Variants in MATCAP2 observed in about 807,000 individuals in gnomAD.
MATCAP2 encodes microtubule associated tyrosine carboxypeptidase 2.
the MATCAP2 span, among the ~76,000 whole-genome samples, chr7:36,360,295 C>T: frequency 1.3e-5 from 2 of 152,068 alleles, no homozygotes; most frequent in Non-Finnish European, 2.9e-5. Flanking sequence ...ACAGCCTACA[C>T]ATTTCCAGAT....
chr7:36,338,142 T>A, the MATCAP2 span, among the ~76,000 whole-genome samples: 4 of 152,206 alleles, frequency 2.6e-5, no homozygotes, highest in Admixed American at 1.3e-4. Flanking sequence ...AAAATATGTT[T>A]CTTTGCCATA....
the MATCAP2 span, among the ~76,000 whole-genome samples, chr7:36,364,448 C>A: frequency 6.6e-6 from 1 of 152,040 alleles, no homozygotes; most frequent in Non-Finnish European, 1.5e-5. Flanking sequence ...TGATTTGATT[C>A]CATTTTTAAA....
the MATCAP2 span, among the ~76,000 whole-genome samples, chr7:36,341,169 C>A: frequency 6.6e-6 from 1 of 152,290 alleles, no homozygotes; most frequent in Non-Finnish European, 1.5e-5. Flanking sequence ...AATGTTTACA[C>A]CACTTGAAGA....
chr7:36,354,954 A>T, the MATCAP2 span, among the ~76,000 whole-genome samples: 2 of 152,182 alleles, frequency 1.3e-5, no homozygotes, highest in African/African-American at 4.8e-5. Flanking sequence ...GAAATCAAAG[A>T]GCATTCTTTT....
chr7:36,353,599 GC>G, the MATCAP2 span, among the ~76,000 whole-genome samples: 6 of 150,270 alleles, frequency 4.0e-5, no homozygotes, highest in African/African-American at 9.8e-5. Context: ...TCCTGCCTTA[GC>G]CTCCCAAGTA....
At chr7:36,345,229 C>T in the MATCAP2 span, among the ~76,000 whole-genome samples, 1 of 152,120 alleles carries the variant, frequency 6.6e-6, no homozygotes, top group Admixed American at 6.5e-5. Flanking sequence ...AACAAAAAAA[C>T]CCATATTTTT....
chr7:36,366,065 T>C, the MATCAP2 span, among the ~76,000 whole-genome samples: 1 of 152,160 alleles, frequency 6.6e-6, no homozygotes, highest in South Asian at 2.1e-4. Flanking sequence ...CACAGAAAAA[T>C]AGTCTGGTAG....
At chr7:36,331,925 G>A in the MATCAP2 span, among the ~76,000 whole-genome samples, 5 of 152,148 alleles carry the variant, frequency 3.3e-5, no homozygotes, top group East Asian at 5.8e-4. Flanking sequence ...AATCAGAGAC[G>A]CACATTGAAA....
At chr7:36,380,429 T>C in the MATCAP2 span, among the ~76,000 whole-genome samples, 1 of 152,230 alleles carries the variant, frequency 6.6e-6, no homozygotes, top group Non-Finnish European at 1.5e-5. Flanking sequence ...TGAAATGGAA[T>C]TGGCTCAATT....
chr7:36,384,067 A>T, the MATCAP2 span: 1 of 330,136 alleles, frequency 3.0e-6, no homozygotes, highest in Non-Finnish European at 5.2e-6. Context: ...AATGTGTGTG[A>T]CTGTATTTTG....
At chr7:36,364,088 CTTCTTT>C in the MATCAP2 span, among the ~76,000 whole-genome samples, 52 of 135,492 alleles carry the variant, frequency 3.8e-4, no homozygotes, top group East Asian at 1.0e-2. Flanking sequence ...GAATCTTCTT[CTTCTTT>C]TTTTTTTTTT....
chr7:36,353,732 C>T, the MATCAP2 span, among the ~76,000 whole-genome samples: 1 of 152,214 alleles, frequency 6.6e-6, no homozygotes, highest in African/African-American at 2.4e-5. Flanking sequence ...CCGCCTGCCT[C>T]GGACTCCCAA....
At chr7:36,356,056 TTAAA>T in the MATCAP2 span, 2 of 152,252 alleles carry the variant, frequency 1.3e-5, no homozygotes, top group Non-Finnish European at 2.9e-5. Context: ...GAATAAGTGC[TTAAA>T]TATTTATTTG....
At chr7:36,345,233 T>C in the MATCAP2 span, among the ~76,000 whole-genome samples, 1 of 152,202 alleles carries the variant, frequency 6.6e-6, no homozygotes. Flanking sequence ...AAAAAACCCA[T>C]ATTTTTACTA....
chr7:36,371,157 G>C, the MATCAP2 span, among the ~76,000 whole-genome samples: 1 of 152,124 alleles, frequency 6.6e-6, no homozygotes, highest in South Asian at 2.1e-4. Flanking sequence ...CCAGGTTGGA[G>C]TGCAATGGCA....
the MATCAP2 span, among the ~76,000 whole-genome samples, chr7:36,380,399 A>G: frequency 6.6e-6 from 1 of 152,352 alleles, no homozygotes; most frequent in Non-Finnish European, 1.5e-5. Context: ...AGCAACATTA[A>G]TGGTCCAGTG....
the MATCAP2 span, chr7:36,357,126 G>C: frequency 1.3e-4 from 203 of 1,614,188 alleles, no homozygotes; most frequent in Admixed American, 9.5e-4. Flanking sequence ...TTTGGCTTTG[G>C]AAGAGTGGAG....
the MATCAP2 span, chr7:36,335,040 C>T: frequency 1.2e-6 from 2 of 1,610,226 alleles, no homozygotes; most frequent in Non-Finnish European, 1.7e-6. Flanking sequence ...AAAGGATTGC[C>T]CCTACCTATT....
the MATCAP2 span, among the ~76,000 whole-genome samples, chr7:36,379,839 C>CAGAGAGAGAGAGAG: frequency 2.3e-5 from 3 of 131,592 alleles, no homozygotes; most frequent in East Asian, 6.1e-4. Flanking sequence ...CACACACACA[C>CAGAGAGAGAGAGAG]ACACACACAG....
Sources: allele counts gnomAD v4.1 joint callset (sites outside exome capture counted in the v4.1 genomes callset), GRCh38; gene constraint gnomAD v4.1.1; transcripts MANE v1.5; gene names NCBI Gene and HGNC (gene_info 2026-07-23, HGNC 2026-07-21).